The following SYNPO2 variants were observed in gnomAD, a reference collection of about 807,000 sequenced individuals.
SYNPO2 encodes the protein synaptopodin-2.
Under a neutral mutation model 85.0 loss-of-function variants are expected in SYNPO2, and 56 were observed. The ratio of observed to expected loss-of-function variants is 0.66; its 90% CI spans 0.53 to 0.82. SYNPO2 has a LOEUF of 0.82. Among genes scored for constraint, SYNPO2 ranks in the 40% least tolerant of loss-of-function variants. The pLI is 0.00. For synonymous variants in SYNPO2, 602 were observed against 591.1 expected (o/e 1.02, Z -0.27); for missense variants, 1,575 against 1,534.2 (o/e 1.03, Z -0.44).
chr4:118,923,544 A>G (rs1733609334), intron 1 of SYNPO2, among the ~76,000 whole-genome samples: 1 of 152,118 alleles, frequency 6.6e-6, no homozygotes, highest in Admixed American at 6.6e-5. Flanking sequence ...TGAACCCAAA[A>G]TAAGTTAAAA....
intron 1 of SYNPO2, among the ~76,000 whole-genome samples, chr4:118,855,821 G>GC (rs1381150180): frequency 6.6e-6 from 1 of 152,066 alleles, no homozygotes; most frequent in Non-Finnish European, 1.5e-5. Context: ...CTTACATAAA[G>GC]CCCCCCAGAC....
chr4:118,973,951 T>TC (rs1188232632), intron 1 of SYNPO2, among the ~76,000 whole-genome samples: 13 of 152,248 alleles, frequency 8.5e-5, no homozygotes, highest in Admixed American at 7.9e-4. Flanking sequence ...TTAAGATTCT[T>TC]CTTTCTTCAC....
chr4:118,948,002 C>T (rs185281215), intron 1 of SYNPO2, among the ~76,000 whole-genome samples: 22 of 152,046 alleles, frequency 1.4e-4, no homozygotes, highest in African/African-American at 4.6e-4. Flanking sequence ...ATTAAATGTC[C>T]ATAATGGTCC....
chr4:118,917,551 C>T (rs1004644607), intron 1 of SYNPO2, among the ~76,000 whole-genome samples: 11 of 152,120 alleles, frequency 7.2e-5, no homozygotes, highest in Non-Finnish European at 1.0e-4. Context: ...AGATGAAAAT[C>T]CAGCTTTTTA....
intron 1 of SYNPO2, among the ~76,000 whole-genome samples, chr4:119,001,792 A>C (rs1736832663): frequency 6.6e-6 from 1 of 151,240 alleles, no homozygotes; most frequent in African/African-American, 2.4e-5. Context: ...TAAAATATAC[A>C]TCTGTGTTTA....
At position 118,888,866 on chromosome 4, in the gene SYNPO2, A is replaced by G. The variant is rs897730291; in HGVS notation, c.-171A>G. On this transcript the variant is annotated 5_prime_UTR_variant, in exon 1 of 5. Transcript: ENST00000307142. ...GAGCCCATTAGCCGCACAAATTCGC[A>G]GCAGGCGGCTGGGGCGGCGGCTGGG... is the stretch of plus-strand genomic sequence containing the variant. 6.1e-6 allele frequency: 4 copies of G among 660,420 alleles called. No homozygotes were observed. The highest frequency in any genetic ancestry group is 1.1e-5 in the Non-Finnish European group (4 of 380,360). The allele number at this position is 660,420 out of a possible 1,614,324, so 40.9% of individuals were successfully genotyped here.
intron 1 of SYNPO2, among the ~76,000 whole-genome samples, chr4:119,020,442 CAT>C (rs1303275333): frequency 6.6e-6 from 1 of 152,128 alleles, no homozygotes. Flanking sequence ...TCATGCAACA[CAT>C]GTTTGGATAA....
intron 1 of SYNPO2, among the ~76,000 whole-genome samples, chr4:118,939,308 G>T (rs961001811): frequency 7.2e-5 from 11 of 152,154 alleles, no homozygotes; most frequent in African/African-American, 2.7e-4. Context: ...TAATATCCAA[G>T]AGCACAGTCT....
At chr4:118,925,010 TTCTTGGAGTGAAGGATAG>T (rs1204738163) in intron 1 of SYNPO2, among the ~76,000 whole-genome samples, 1 of 152,162 alleles carries the variant, frequency 6.6e-6, no homozygotes, top group African/African-American at 2.4e-5. Context: ...AACCACTAAA[TTCTTGGAGTGAAGGATAG>T]GCTTGTTTTC....
At chr4:118,997,566 T>G (rs928099937) in intron 1 of SYNPO2, among the ~76,000 whole-genome samples, 1 of 152,144 alleles carries the variant, frequency 6.6e-6, no homozygotes, top group Admixed American at 6.5e-5. Flanking sequence ...GGAACCAAAT[T>G]TATTAGTAAA....
Position 118,920,466 on chromosome 4 carries a change from G to A in SYNPO2, c.105+31325G>A, listed in dbSNP as rs115870789. On this transcript the variant is annotated intron_variant, in intron 1 of 4. Transcript: ENST00000307142. ...TTATCTAAGTGATTCGACTGTGCAC[G>A]TATTAGAGTAAATACAAGAACACTT... is the stretch of plus-strand genomic sequence containing the variant. Among the ~76,000 whole-genome samples, 832 of 152,186 alleles carry A rather than the reference G, an allele frequency of 5.5e-3. 6 individuals are homozygous for A. Among genetic ancestry groups the A allele is most frequent in the Non-Finnish European group, 8.1e-3 (550 of 67,998 alleles).
chr4:118,984,683 G>C (rs1284230241), intron 1 of SYNPO2, among the ~76,000 whole-genome samples: 1 of 152,128 alleles, frequency 6.6e-6, no homozygotes, highest in African/African-American at 2.4e-5. Context: ...TACTTTTCCA[G>C]ATCCCAGCAT....
At chr4:118,977,442 C>T (rs1219578112) in intron 1 of SYNPO2, among the ~76,000 whole-genome samples, 4 of 152,240 alleles carry the variant, frequency 2.6e-5, no homozygotes, top group South Asian at 2.1e-4. Context: ...CTCCACACCT[C>T]CCTGCAAGCT....
chr4:118,898,716 G>A (rs1171046896), intron 1 of SYNPO2, among the ~76,000 whole-genome samples: 2 of 152,176 alleles, frequency 1.3e-5, no homozygotes, highest in Non-Finnish European at 2.9e-5. Flanking sequence ...ACCCTGCAGT[G>A]AGGCTTGTTC....
At chr4:118,863,446 A>T (rs186374093) in intron 1 of SYNPO2, among the ~76,000 whole-genome samples, 1 of 152,246 alleles carries the variant, frequency 6.6e-6, no homozygotes, top group African/African-American at 2.4e-5. Context: ...ATTGTCATAT[A>T]GTTGCTTATA....
intron 1 of SYNPO2, among the ~76,000 whole-genome samples, chr4:118,940,745 G>C (rs1191915924): frequency 1.3e-5 from 2 of 152,138 alleles, no homozygotes; most frequent in Non-Finnish European, 2.9e-5. Flanking sequence ...TTTTTCAGAT[G>C]ATGAAGGGGA....
intron 1 of SYNPO2, among the ~76,000 whole-genome samples, chr4:118,851,806 T>C (rs1275724816): frequency 6.6e-6 from 1 of 152,222 alleles, no homozygotes; most frequent in East Asian, 1.9e-4. Flanking sequence ...TTCAATCTAT[T>C]GTGATGTACC....
At position 119,026,667 on chromosome 4, in the gene SYNPO2, G is replaced by T. The variant is rs758165192; in HGVS notation, c.298G>T (p.Glu100Ter). ...GISEALISEN[E>*]NKNLEHLTHG... is the part of the protein sequence containing the mutation. ...AAGTGAGGCTTTGATATCTGAAAAT[G>T]AAAACAAAAACCTCGAGCATCTCAC... The change falls in exon 3 of 5, where the codon GAA becomes TAA. Residue 100 changes from glutamate (E) to a stop codon, truncating the protein, a stop_gained. Transcript: ENST00000307142. LOFTEE classifies it high-confidence loss of function. The T allele has an allele frequency of 6.2e-7, 1 of 1,612,146 alleles. No individual in the cohort carries two copies.
chr4:119,051,758 A>T (rs1739058507), intron 4 of SYNPO2, among the ~76,000 whole-genome samples: 1 of 152,188 alleles, frequency 6.6e-6, no homozygotes, highest in Non-Finnish European at 1.5e-5. Context: ...AGATGACAGG[A>T]TGTTGAAGTT....
Sources: allele counts gnomAD v4.1 joint callset (sites outside exome capture counted in the v4.1 genomes callset), GRCh38; gene constraint gnomAD v4.1.1; transcripts MANE v1.5; gene names NCBI Gene and HGNC (gene_info 2026-07-23, HGNC 2026-07-21).